The following RPS6KC1 variants were observed in gnomAD, a reference collection of about 807,000 sequenced individuals.
The protein encoded by RPS6KC1 is inactive ribosomal protein S6 kinase delta-1.
A neutral mutation model predicts 103.8 loss-of-function variants in RPS6KC1; 54 were observed. That is an observed-to-expected ratio of 0.52 (90% CI 0.42 to 0.65). RPS6KC1 has a LOEUF of 0.65. RPS6KC1 is among the 30% of genes least tolerant of loss of function. The pLI is 0.00. For synonymous variants in RPS6KC1, 439 were observed against 438.7 expected, an observed-to-expected ratio of 1.00 and a Z score of -0.01; for missense variants, 1,151 against 1,253.8, an observed-to-expected ratio of 0.92 and a Z score of 1.24.
At chr1:213,846,646 C>T in the RPS6KC1 span, among the ~76,000 whole-genome samples, 1 of 152,134 alleles carries the variant, frequency 6.6e-6, no homozygotes, top group Non-Finnish European at 1.5e-5. Context: ...TAATCAAGTG[C>T]ACAATTGATT....
At chr1:213,359,679 T>C in the RPS6KC1 span, among the ~76,000 whole-genome samples, 1 of 152,182 alleles carries the variant, frequency 6.6e-6, no homozygotes, top group Non-Finnish European at 1.5e-5. Context: ...TGGCAGTGTT[T>C]TTGCAGTGGC....
the RPS6KC1 span, among the ~76,000 whole-genome samples, chr1:213,625,048 T>C: frequency 6.6e-6 from 1 of 152,054 alleles, no homozygotes; most frequent in Admixed American, 6.6e-5. Context: ...AGTGGTGTGA[T>C]CTCCATCACT....
the RPS6KC1 span, among the ~76,000 whole-genome samples, chr1:213,288,760 T>C: frequency 2.0e-5 from 3 of 152,202 alleles, no homozygotes; most frequent in African/African-American, 7.2e-5. Context: ...TCAGATTGGA[T>C]TGGATCTATT....
At chr1:213,356,441 G>C in the RPS6KC1 span, among the ~76,000 whole-genome samples, 2 of 152,100 alleles carry the variant, frequency 1.3e-5, no homozygotes, top group African/African-American at 2.4e-5. Flanking sequence ...GATCACCTGA[G>C]GTCAGGAGTT....
intron 13 of RPS6KC1, 40 bp from the exon 14 acceptor site, chr1:213,262,681 G>A (rs374280689): frequency 2.4e-5 from 30 of 1,236,784 alleles, no homozygotes; most frequent in Non-Finnish European, 3.3e-5. Flanking sequence ...AAAATATGAT[G>A]TTATTTGGGA....
the RPS6KC1 span, among the ~76,000 whole-genome samples, chr1:213,519,225 C>T: frequency 7.2e-5 from 11 of 152,100 alleles, no homozygotes; most frequent in African/African-American, 1.2e-4. Context: ...TCAGGTCATA[C>T]GGAGGTTCAT....
chr1:213,501,139 T>C, the RPS6KC1 span, among the ~76,000 whole-genome samples: 9 of 152,326 alleles, frequency 5.9e-5, no homozygotes, highest in East Asian at 1.7e-3. Context: ...TGGTTACATA[T>C]GAAATAGTAG....
chr1:213,170,540 T>C (rs2091389884), intron 7 of RPS6KC1, among the ~76,000 whole-genome samples: 1 of 152,184 alleles, frequency 6.6e-6, no homozygotes, highest in African/African-American at 2.4e-5. Context: ...CAAACAAAGT[T>C]ACACTGGTAA....
intron 8 of RPS6KC1, among the ~76,000 whole-genome samples, chr1:213,195,894 T>A (rs1005583966): frequency 6.6e-6 from 1 of 152,054 alleles, no homozygotes; most frequent in Non-Finnish European, 1.5e-5. Context: ...AATGGGCACG[T>A]AGGCTGGCTT....
chr1:213,254,493 T>C (rs775555330), intron 12 of RPS6KC1, among the ~76,000 whole-genome samples: 2 of 152,236 alleles, frequency 1.3e-5, no homozygotes, highest in South Asian at 2.1e-4. Flanking sequence ...ATCCACTTTT[T>C]GGGCATCTTA....
At chr1:213,338,170 A>G in the RPS6KC1 span, among the ~76,000 whole-genome samples, 4 of 152,202 alleles carry the variant, frequency 2.6e-5, no homozygotes, top group African/African-American at 9.7e-5. Flanking sequence ...ACCCTGTCCA[A>G]ATCCCACTTT....
chr1:213,196,216 A>C (rs1012484058), intron 8 of RPS6KC1, among the ~76,000 whole-genome samples: 1 of 151,946 alleles, frequency 6.6e-6, no homozygotes, highest in East Asian at 1.9e-4. Context: ...TTTCATTTGC[A>C]TTTCCCTGAT....
the RPS6KC1 span, among the ~76,000 whole-genome samples, chr1:213,407,216 GCGCACACA>G: frequency 0.047 from 4,403 of 92,814 alleles, 210 homozygotes; most frequent in African/African-American, 0.11. Context: ...ACATGCACGC[GCGCACACA>G]CACACACACA....
At chr1:213,300,223 T>G in the RPS6KC1 span, among the ~76,000 whole-genome samples, 1 of 152,230 alleles carries the variant, frequency 6.6e-6, no homozygotes, top group African/African-American at 2.4e-5. Flanking sequence ...TTTAAATTAT[T>G]TAGAATTGAA....
At chr1:213,453,581 A>G in the RPS6KC1 span, among the ~76,000 whole-genome samples, 1 of 152,310 alleles carries the variant, frequency 6.6e-6, no homozygotes, top group South Asian at 2.1e-4. Context: ...ATAGTGAGCC[A>G]GAGACCGTGA....
the RPS6KC1 span, among the ~76,000 whole-genome samples, chr1:213,650,362 C>T: frequency 6.6e-6 from 1 of 152,244 alleles, no homozygotes; most frequent in Non-Finnish European, 1.5e-5. Context: ...ACTACCATGC[C>T]TTTAACTAAA....
At chr1:213,429,464 G>T in the RPS6KC1 span, among the ~76,000 whole-genome samples, 1 of 152,082 alleles carries the variant, frequency 6.6e-6, no homozygotes, top group Non-Finnish European at 1.5e-5. Context: ...TCTGGAGTGG[G>T]GACATGTTAA....
chr1:213,820,406 A>G, the RPS6KC1 span: 2 of 152,280 alleles, frequency 1.3e-5, no homozygotes, highest in African/African-American at 4.8e-5. Flanking sequence ...TGAATGACTT[A>G]CAGACTGTCA....
chr1:213,469,224 A>C, the RPS6KC1 span, among the ~76,000 whole-genome samples: 10 of 152,194 alleles, frequency 6.6e-5, no homozygotes, highest in Non-Finnish European at 1.5e-5. Flanking sequence ...ATCAAAGCTG[A>C]ATAAGATCTG....
Sources: gnomAD v4.1 joint callset for allele counts (sites outside exome capture counted in the v4.1 genomes callset) on GRCh38, gnomAD v4.1.1 for gene constraint, MANE v1.5 for transcripts, NCBI Gene and HGNC (gene_info 2026-07-23, HGNC 2026-07-21) for gene names.